RORB: variants seen among roughly 807,000 people sequenced by gnomAD.
The protein encoded by RORB is RAR related orphan receptor B.
A neutral mutation model predicts 59.1 loss-of-function variants in RORB; 6 were observed. The ratio of observed to expected loss-of-function variants is 0.10; its 90% CI spans 0.06 to 0.20. RORB has a LOEUF of 0.20. Among genes scored for constraint, RORB ranks in the 10% least tolerant of loss-of-function variants. The pLI is 1.00. For missense variants in RORB, 320 were observed against 560.5 expected (o/e 0.57, Z 4.33); for synonymous variants, 215 against 204.5 (o/e 1.05, Z -0.44).
chr9:74,661,575 A>G (rs1824181979), intron 5 of RORB, among the ~76,000 whole-genome samples: 1 of 150,984 alleles, frequency 6.6e-6, no homozygotes, highest in African/African-American at 2.4e-5. Context: ...GGGTGATTCT[A>G]CTGAACTTAG....
chr9:74,524,826 G>T (rs1173973913), intron 1 of RORB, among the ~76,000 whole-genome samples: 2 of 151,620 alleles, frequency 1.3e-5, no homozygotes, highest in East Asian at 3.9e-4. Context: ...TGGAAGCCTG[G>T]TTTTTCTTTA....
chr9:74,664,288 G>A (rs777718631), intron 6 of RORB, among the ~76,000 whole-genome samples: 2 of 152,152 alleles, frequency 1.3e-5, no homozygotes, highest in African/African-American at 2.4e-5. Flanking sequence ...TCCTGGAGGG[G>A]AACCCAGTTC....
intron 1 of RORB, among the ~76,000 whole-genome samples, chr9:74,542,649 C>T (rs987577629): frequency 4.6e-5 from 7 of 152,214 alleles, no homozygotes; most frequent in Admixed American, 4.6e-4. Context: ...ACTTCTCTGA[C>T]TTAGCAAAAT....
At chr9:74,665,702 A>G (rs889218971) in intron 7 of RORB, 107 bp downstream of exon 7, 8 of 733,736 alleles carry the variant, frequency 1.1e-5, no homozygotes, top group Non-Finnish European at 1.9e-5. Context: ...GTGAACCAGT[A>G]TCTCATTATT....
At chr9:74,612,016 C>G (rs186226385) in intron 1 of RORB, among the ~76,000 whole-genome samples, 339 of 152,172 alleles carry the variant, frequency 2.2e-3, no homozygotes, top group Non-Finnish European at 3.5e-3. Flanking sequence ...GGGTTTTATG[C>G]CTAAGGAGCT....
In RORB at chr9:74,497,703, G is replaced by T; in HGVS notation, c.-274G>T. ...CAAAACAAAACCCAGGCACCAGACA[G>T]CCAGAACATTTTTTTTTCACCCTTC... is the stretch of plus-strand genomic sequence containing the variant. On this transcript the variant is annotated 5_prime_UTR_variant, in exon 1 of 10. Coordinates refer to ENST00000376896, the MANE Select transcript of RORB (RefSeq NM_006914.4). 2.0e-6 allele frequency: 1 copy of T among 508,820 alleles called. No individual in the cohort carries two copies. Among genetic ancestry groups the T allele is most frequent in the Non-Finnish European group, 3.5e-6 (1 of 285,660 alleles). 31.5% of individuals were successfully genotyped at this position (508,820 alleles called of 1,614,324 possible). A position where few individuals can be genotyped will look rare whatever the true frequency, so the allele number is the denominator to read the frequency against.
At chr9:74,584,918 T>C (rs1230932924) in intron 1 of RORB, among the ~76,000 whole-genome samples, 1 of 152,196 alleles carries the variant, frequency 6.6e-6, no homozygotes, top group East Asian at 1.9e-4. Context: ...AGTTGTGTTG[T>C]TGGATACAAA....
At chr9:74,557,823 T>C (rs1464819030) in intron 1 of RORB, among the ~76,000 whole-genome samples, 1 of 152,088 alleles carries the variant, frequency 6.6e-6, no homozygotes, top group Non-Finnish European at 1.5e-5. Context: ...TGTTCCTTTT[T>C]TTTGGTTTTG....
chr9:74,555,870 C>T (rs977313211), intron 1 of RORB, among the ~76,000 whole-genome samples: 1 of 152,174 alleles, frequency 6.6e-6, no homozygotes, highest in Non-Finnish European at 1.5e-5. Context: ...TCTGTAAGCC[C>T]AGCAGAAATT....
chr9:74,682,902 A>G (rs1285297905), intron 9 of RORB, among the ~76,000 whole-genome samples: 1 of 152,192 alleles, frequency 6.6e-6, no homozygotes, highest in African/African-American at 2.4e-5. Flanking sequence ...CAACTTTTCA[A>G]TTCTGAAAAC....
chr9:74,610,448 A>C (rs905682476), intron 1 of RORB, among the ~76,000 whole-genome samples: 1 of 152,242 alleles, frequency 6.6e-6, no homozygotes, highest in African/African-American at 2.4e-5. Context: ...GTTCAAAGTT[A>C]TTGAATGTTT....
chr9:74,548,585 T>C (rs1025147220), intron 1 of RORB, among the ~76,000 whole-genome samples: 9 of 152,222 alleles, frequency 5.9e-5, no homozygotes, highest in Non-Finnish European at 1.0e-4. Flanking sequence ...CTAGGTTTGC[T>C]GCACAAACAG....
At chr9:74,649,246 C>T (rs1240781159) in intron 4 of RORB, among the ~76,000 whole-genome samples, 1 of 152,076 alleles carries the variant, frequency 6.6e-6, no homozygotes, top group Non-Finnish European at 1.5e-5. Flanking sequence ...CCACCATGCC[C>T]GGCAGAAGAT....
intron 1 of RORB, among the ~76,000 whole-genome samples, chr9:74,608,331 C>T (rs1250619819): frequency 4.0e-5 from 6 of 151,868 alleles, no homozygotes; most frequent in African/African-American, 1.5e-4. Context: ...TTTGGGAGGC[C>T]GAGGCGGGCG....
intron 1 of RORB, among the ~76,000 whole-genome samples, chr9:74,624,552 G>T (rs1332753163): frequency 1.3e-5 from 2 of 152,166 alleles, no homozygotes; most frequent in African/African-American, 4.8e-5. Flanking sequence ...CAACCTTGGG[G>T]CTACTGTCTG....
intron 1 of RORB, among the ~76,000 whole-genome samples, chr9:74,572,562 G>A (rs946108607): frequency 6.6e-5 from 10 of 152,210 alleles, no homozygotes; most frequent in South Asian, 2.1e-4. Flanking sequence ...TTTGAAGTGC[G>A]GGTCACAGGA....
At chr9:74,658,885 C>A (rs139527241) in intron 4 of RORB, among the ~76,000 whole-genome samples, 214 of 152,238 alleles carry the variant, frequency 1.4e-3, no homozygotes, top group Middle Eastern at 3.4e-3. Flanking sequence ...ATAAGCAGTG[C>A]AAGTCTAGAA....
chr9:74,498,130 A>C, intron 1 of RORB, 147 bp downstream of exon 1: 1 of 878,860 alleles, frequency 1.1e-6, no homozygotes, highest in Non-Finnish European at 1.8e-6. Context: ...GTGGGGCTGC[A>C]AATGGCCTGG....
At chr9:74,587,965 G>T (rs79481385) in intron 1 of RORB, among the ~76,000 whole-genome samples, 1 of 152,030 alleles carries the variant, frequency 6.6e-6, no homozygotes, top group African/African-American at 2.4e-5. Context: ...CTGAAAAATC[G>T]TTCAAATATA....
Sources: allele counts gnomAD v4.1 joint callset (sites outside exome capture counted in the v4.1 genomes callset), GRCh38; gene constraint gnomAD v4.1.1; transcripts MANE v1.5; gene names NCBI Gene and HGNC (gene_info 2026-07-23, HGNC 2026-07-21).